Variants in APLF observed in about 807,000 individuals in gnomAD.
The protein encoded by APLF is aprataxin and PNKP like factor.
A neutral mutation model predicts 55.6 loss-of-function variants in APLF; 61 were observed. The ratio of observed to expected loss-of-function variants is 1.10; its 90% confidence interval spans 0.89 to 1.36. The LOEUF (loss-of-function observed/expected upper bound fraction) is 1.36. APLF is among the 40% of genes most tolerant of loss of function. APLF has a pLI of 0.00. For synonymous variants in APLF, 207 were observed against 214.8 expected, an observed-to-expected ratio of 0.96 and a Z score of 0.32; for missense variants, 611 against 602.5, an observed-to-expected ratio of 1.01 and a Z score of -0.15.
At chr2:68,474,305 C>T (rs552452571) in intron 1 of APLF, among the ~76,000 whole-genome samples, 1 of 152,290 alleles carries the variant, frequency 6.6e-6, no homozygotes, top group Non-Finnish European at 1.5e-5. Context: ...ATCAGCTAAC[C>T]TTTAGCCCCT....
rs151128086 is a variant in APLF at position 68,470,463 on chromosome 2, A to G, written c.96+2636A>G. Among the ~76,000 whole-genome samples the G allele has an allele frequency of 6.5e-3, 983 of 152,294 alleles. 7 individuals carry two copies. The highest frequency in any genetic ancestry group is 0.023 in the African/African-American group (936 of 41,572). Reference sequence around the variant, plus strand: ...TATAGTTTTGTAAGACGTTACCATTAGGGGAAACTGGATAAATGGTACAAG... The same window carrying G: ...TATAGTTTTGTAAGACGTTACCATTGGGGGAAACTGGATAAATGGTACAAG... On this transcript the variant is annotated intron_variant, in intron 1 of 9. Coordinates refer to ENST00000303795, the MANE Select transcript of APLF (RefSeq NM_173545.3).
In APLF at chr2:68,577,925, A is replaced by G. The variant is rs774074263; in HGVS notation, c.1439A>G (p.Asp480Gly). ...GAGGAAGAAGACTATGAGCCAACAGATGAAGATTCTGACTGGGAACCAGGA... is the reference window on the plus strand; with the variant it reads ...GAGGAAGAAGACTATGAGCCAACAGGTGAAGATTCTGACTGGGAACCAGGA... ...DDEEEDYEPT[D>G]EDSDWEPGKE... Residue 480 changes from aspartate to glycine, a missense_variant, in exon 10 of 10, where the codon GAT becomes GGT. Physicochemically the swap from Asp to Gly is moderately conservative, Grantham distance 94 (BLOSUM62 -1). Transcript: ENST00000303795. The G allele has an allele frequency of 2.2e-5, 36 of 1,613,590 alleles. No individual in the cohort carries two copies. The highest frequency in any genetic ancestry group is 5.5e-5 in the South Asian group (5 of 91,070).
intron 3 of APLF, among the ~76,000 whole-genome samples, chr2:68,503,402 A>G (rs1181451104): frequency 6.6e-6 from 1 of 152,128 alleles, no homozygotes; most frequent in Non-Finnish European, 1.5e-5. Context: ...GTTAAAATTC[A>G]TACACTAGTT....
intron 3 of APLF, among the ~76,000 whole-genome samples, chr2:68,509,708 C>T (rs1004649838): frequency 6.6e-5 from 10 of 152,010 alleles, no homozygotes; most frequent in Non-Finnish European, 1.0e-4. Context: ...CCCAGCCATC[C>T]CATTACTGGG....
chr2:68,545,279 G>T lies in APLF; in HGVS notation c.1253G>T (p.Arg418Leu), dbSNP rs377389138. The T allele has an allele frequency of 1.2e-6, 2 of 1,613,616 alleles. No homozygotes were observed. Among genetic ancestry groups the T allele is most frequent in the Middle Eastern group, 1.6e-4 (1 of 6,078 alleles). Reference protein sequence around the residue: ...QIVGQDETDDRPECPYGPSCY... With the variant: ...QIVGQDETDDLPECPYGPSCY... Reference sequence around the variant, plus strand: ...GTGGGCCAAGATGAGACTGATGACCGGCCTGAATGTCCCTATGGACCATCC... The same window carrying T: ...GTGGGCCAAGATGAGACTGATGACCTGCCTGAATGTCCCTATGGACCATCC... Residue 418 changes from arginine (R) to leucine (L), a missense_variant, in exon 8 of 10, where the codon CGG (arginine) becomes CTG (leucine). Coordinates refer to ENST00000303795, the MANE Select transcript of APLF (RefSeq NM_173545.3).
At chr2:68,514,677 T>A (rs1190875093) in intron 5 of APLF, among the ~76,000 whole-genome samples, 1 of 151,830 alleles carries the variant, frequency 6.6e-6, no homozygotes, top group Non-Finnish European at 1.5e-5. Context: ...CACTCACCTC[T>A]GCCTGTTCTC....
intron 1 of APLF, among the ~76,000 whole-genome samples, chr2:68,476,903 G>C (rs1052125928): frequency 3.9e-5 from 6 of 152,080 alleles, no homozygotes; most frequent in Non-Finnish European, 8.8e-5. Flanking sequence ...CTTCTATGCA[G>C]ATTCAACAAG....
At chr2:68,506,410 T>C (rs919489313) in intron 3 of APLF, among the ~76,000 whole-genome samples, 27 of 151,750 alleles carry the variant, frequency 1.8e-4, no homozygotes, top group African/African-American at 4.1e-4. Flanking sequence ...ATAGGAAGCA[T>C]TGAAATACAC....
At chr2:68,505,717 T>A (rs976567964) in intron 3 of APLF, among the ~76,000 whole-genome samples, 3 of 152,186 alleles carry the variant, frequency 2.0e-5, no homozygotes, top group Admixed American at 2.0e-4. Flanking sequence ...CAGGAGCTTC[T>A]GTTCCAGTGG....
At position 68,495,063 on chromosome 2, in the gene APLF, A is replaced by G. The variant is rs371259984; in HGVS notation, c.168+4802A>G. 2.3e-3 allele frequency among the ~76,000 whole-genome samples: 344 copies of G among 152,290 alleles called. 2 individuals carry two copies. Among genetic ancestry groups the G allele is most frequent in the African/African-American group, 7.9e-3 (327 of 41,564 alleles). ...CTTCCCACCAGGCCCCACCTCCAGC[A>G]TTTGTGGATTACAATTCAACATGAG... On this transcript the variant is annotated intron_variant, in intron 2 of 9. Transcript: ENST00000303795.
At chr2:68,535,170 A>G (rs563398418) in intron 6 of APLF, 3 of 275,642 alleles carry the variant, frequency 1.1e-5, no homozygotes, top group East Asian at 1.3e-4. Context: ...TAAAAATAAA[A>G]CAAACTCTTC....
chr2:68,558,139 A>T (rs6707200), intron 8 of APLF, among the ~76,000 whole-genome samples: 16,178 of 152,138 alleles, frequency 0.11, 1,105 homozygotes, highest in African/African-American at 0.19. Flanking sequence ...CAGTAACAAC[A>T]TCAATTATAT....
intron 3 of APLF, among the ~76,000 whole-genome samples, chr2:68,511,979 G>A (rs1247220478): frequency 3.3e-5 from 5 of 151,648 alleles, no homozygotes; most frequent in Non-Finnish European, 1.5e-5. Flanking sequence ...AAAACAAGCG[G>A]TTAATTAGAC....
At chr2:68,511,603 AATC>A (rs1677052582) in intron 3 of APLF, among the ~76,000 whole-genome samples, 1 of 151,760 alleles carries the variant, frequency 6.6e-6, no homozygotes, top group South Asian at 2.1e-4. Context: ...AATTGTGAAA[AATC>A]ATCAAACTAC....
Position 68,529,903 on chromosome 2 carries a change from G to C in APLF, c.804+3661G>C, listed in dbSNP as rs184704386. 0.014 allele frequency among the ~76,000 whole-genome samples: 2,085 copies of C among 152,324 alleles called. 29 individuals are homozygous for C. Among genetic ancestry groups the C allele is most frequent in the African/African-American group, 0.046 (1,915 of 41,560 alleles). ...AACCTGGAAGCAGAGCGCAGGACCA[G>C]CCAGATCCCGCCAGGCTCCCCCGGG... On this transcript the variant is annotated intron_variant, in intron 6 of 9. Coordinates refer to ENST00000303795, the MANE Select transcript of APLF (RefSeq NM_173545.3). The surrounding 1 kb of genome is among the most constrained non-coding windows in gnomAD (Gnocchi z 4.4).
intron 2 of APLF, among the ~76,000 whole-genome samples, chr2:68,495,584 G>T (rs941633442): frequency 4.6e-5 from 7 of 152,234 alleles, no homozygotes; most frequent in Non-Finnish European, 8.8e-5. Context: ...TCTAGAGGAT[G>T]GTGGCCCTCT....
chr2:68,493,902 A>T (rs1204463248), intron 2 of APLF, among the ~76,000 whole-genome samples: 2 of 151,580 alleles, frequency 1.3e-5, no homozygotes, highest in Non-Finnish European at 2.9e-5. Flanking sequence ...AGGTCAGGAG[A>T]TGGAGACCAT....
intron 1 of APLF, among the ~76,000 whole-genome samples, chr2:68,478,952 T>C (rs1675868030): frequency 6.6e-6 from 1 of 152,208 alleles, no homozygotes; most frequent in Admixed American, 6.5e-5. Flanking sequence ...ATGAAAATCC[T>C]TTTTCTGAAT....
intron 1 of APLF, among the ~76,000 whole-genome samples, chr2:68,481,209 T>C (rs994791238): frequency 3.3e-5 from 5 of 152,174 alleles, no homozygotes; most frequent in Admixed American, 6.5e-5. Flanking sequence ...TTTTTAAAAG[T>C]TTGGTAGAAT....
Sources: allele counts gnomAD v4.1 joint callset (sites outside exome capture counted in the v4.1 genomes callset), GRCh38; gene constraint gnomAD v4.1.1; non-coding constraint Gnocchi (gnomAD v3.1); transcripts MANE v1.5; gene names NCBI Gene and HGNC (gene_info 2026-07-23, HGNC 2026-07-21).